Variants in YTHDC2 observed in about 807,000 individuals in gnomAD.
The protein encoded by YTHDC2 is YTH N6-methyladenosine RNA binding protein C2, also known as 3'-5' RNA helicase YTHDC2.
YTHDC2 carries 45 observed loss-of-function variants against 174.9 expected under a neutral mutation model. The ratio of observed to expected loss-of-function variants is 0.26; its 90% CI spans 0.20 to 0.33. The LOEUF (loss-of-function observed/expected upper bound fraction) is 0.33. Ranked by LOEUF, YTHDC2 falls within the 10% of genes least tolerant of loss-of-function variation. The pLI is 1.00. For synonymous variants in YTHDC2, 657 were observed against 574.5 expected, an observed-to-expected ratio of 1.14 and a Z score of -2.05; for missense variants, 1,650 against 1,723.7, an observed-to-expected ratio of 0.96 and a Z score of 0.76.
At position 113,553,807 on chromosome 5, in the gene YTHDC2, G is replaced by A. The variant is rs555522668; in HGVS notation, c.2005G>A (p.Asp669Asn). 8 of 1,612,332 alleles carry A rather than the reference G, an allele frequency of 5.0e-6. No individual in the cohort carries two copies. Among genetic ancestry groups the A allele is most frequent in the African/African-American group, 2.7e-5 (2 of 74,926 alleles). ...GCTTCATTCAAATATGCAAACATCC[G>A]ATCAAAAGAAAGTATTAAAAAACCC... is the stretch of plus-strand genomic sequence containing the variant. ...FMLHSNMQTSDQKKVLKNPPA... is the reference protein window; with the variant it reads ...FMLHSNMQTSNQKKVLKNPPA... The change falls in exon 15 of 30, where the codon GAT (aspartate) becomes AAT (asparagine). Residue 669 changes from aspartate (D) to asparagine (N), a missense_variant. Physicochemically the swap from Asp to Asn is conservative, Grantham distance 23. This residue lies in a region of YTHDC2 where 913 missense variants were observed against 940.4 expected (regional missense o/e 0.97). Coordinates refer to ENST00000161863, the MANE Select transcript of YTHDC2 (RefSeq NM_022828.5).
chr5:113,542,065 G>A (rs149438805), intron 9 of YTHDC2, among the ~76,000 whole-genome samples: 109 of 152,254 alleles, frequency 7.2e-4, no homozygotes, highest in Admixed American at 3.7e-3. Context: ...GTGCAGTTGG[G>A]AGAGAGAACT....
At chr5:113,518,299 C>CAGA (rs1396199437) in intron 2 of YTHDC2, among the ~76,000 whole-genome samples, 2,491 of 151,722 alleles carry the variant, frequency 0.016, 78 homozygotes, top group African/African-American at 0.059. Flanking sequence ...CTCCCAGGCC[C>CAGA]AATCAATCCT....
intron 24 of YTHDC2, among the ~76,000 whole-genome samples, chr5:113,580,333 A>G (rs1230317010): frequency 2.6e-5 from 4 of 151,890 alleles, no homozygotes; most frequent in African/African-American, 9.7e-5. Context: ...GTACACAAGA[A>G]CTCCCTTTAT....
chr5:113,591,965 C>G, intron 27 of YTHDC2, 31 bp from the exon 28 acceptor site: 6 of 1,552,208 alleles, frequency 3.9e-6, no homozygotes, highest in Non-Finnish European at 5.2e-6. Flanking sequence ...CTCCTCCTCA[C>G]CTCTATTCCT....
At chr5:113,538,392 C>G (rs755975728) in intron 7 of YTHDC2, among the ~76,000 whole-genome samples, 1 of 152,106 alleles carries the variant, frequency 6.6e-6, no homozygotes, top group Admixed American at 6.5e-5. Flanking sequence ...CTTAGTAAGA[C>G]TTATCTTTTC....
chr5:113,567,125 G>A lies in YTHDC2; in HGVS notation c.2876G>A (p.Arg959Gln). 2 of 1,613,618 alleles carry A rather than the reference G, an allele frequency of 1.2e-6. No homozygotes were observed. The highest frequency in any genetic ancestry group is 1.7e-6 in the Non-Finnish European group (2 of 1,179,830). ...FVRARGGGDIRDVNTNSENWA... is the reference protein window; with the variant it reads ...FVRARGGGDIQDVNTNSENWA... ...AGAGCACGAGGTGGTGGTGACATTC[G>A]GGACGTTAACACAAACTCTGAGAAT... is the stretch of plus-strand genomic sequence containing the variant. Residue 959 changes from arginine (R) to glutamine (Q), a missense_variant, in exon 22 of 30, where the codon CGG becomes CAG. Transcript: ENST00000161863.
At chr5:113,590,704 C>T (rs931301266) in intron 26 of YTHDC2, among the ~76,000 whole-genome samples, 27 of 152,302 alleles carry the variant, frequency 1.8e-4, no homozygotes, top group Admixed American at 1.6e-3. Context: ...AAAACTGCCT[C>T]CAGGCAGTAA....
chr5:113,548,179 CTT>C (rs1776015537), intron 10 of YTHDC2, among the ~76,000 whole-genome samples: 2 of 152,086 alleles, frequency 1.3e-5, no homozygotes, highest in East Asian at 3.9e-4. Context: ...TTAATTATGT[CTT>C]GTCATTTGGT....
chr5:113,585,584 A>G lies in YTHDC2; in HGVS notation c.3825+1105A>G, dbSNP rs79599047. ...TCATGTAACTATACCACAATCATCTACACATTTCCATCACCCCTACTCCCT... is the reference window on the plus strand; with the variant it reads ...TCATGTAACTATACCACAATCATCTGCACATTTCCATCACCCCTACTCCCT... On this transcript the variant is annotated intron_variant, in intron 26 of 29. Coordinates refer to ENST00000161863, the MANE Select transcript of YTHDC2 (RefSeq NM_022828.5). Among the ~76,000 whole-genome samples the G allele has an allele frequency of 4.8e-3, 729 of 152,024 alleles. 3 individuals are homozygous for G. Among genetic ancestry groups the G allele is most frequent in the Non-Finnish European group, 6.3e-3 (430 of 67,942 alleles).
Position 113,558,671 on chromosome 5 carries a change from C to A in YTHDC2, c.2217-2409C>A, listed in dbSNP as rs535830464. 7.9e-5 allele frequency among the ~76,000 whole-genome samples: 12 copies of A among 152,006 alleles called. No homozygotes were observed. In the South Asian group the frequency reaches 2.3e-3, roughly 29 times the overall value. ...TGAGTTTGAGTTGCCTGTAGAAAAT[C>A]GAAGTGGATTGGGAGGCTGAGGCGG... On this transcript the variant is annotated intron_variant, in intron 17 of 29. Coordinates refer to ENST00000161863, the MANE Select transcript of YTHDC2 (RefSeq NM_022828.5).
chr5:113,582,723 A>G (rs1257268213), intron 25 of YTHDC2: 1 of 152,126 alleles, frequency 6.6e-6, no homozygotes, highest in Non-Finnish European at 1.5e-5. Context: ...GGTTTTTAGT[A>G]CCTTTTTTGA....
intron 16 of YTHDC2, among the ~76,000 whole-genome samples, chr5:113,554,664 A>G (rs1356823541): frequency 1.3e-5 from 2 of 151,926 alleles, no homozygotes; most frequent in Non-Finnish European, 2.9e-5. Flanking sequence ...AGATTGGAGT[A>G]TTTGTAACAG....
intron 4 of YTHDC2, among the ~76,000 whole-genome samples, chr5:113,527,600 C>T (rs1465633828): frequency 1.3e-5 from 2 of 152,060 alleles, no homozygotes; most frequent in Admixed American, 1.3e-4. Flanking sequence ...GTTTAATAGG[C>T]TTAGTAGATA....
chr5:113,531,611 C>G (rs57617774), intron 4 of YTHDC2, among the ~76,000 whole-genome samples: 57,050 of 151,650 alleles, frequency 0.38, 13,229 homozygotes, highest in East Asian at 0.67. Flanking sequence ...CCAGGCATTC[C>G]AAGAGGGTTT....
intron 7 of YTHDC2, among the ~76,000 whole-genome samples, chr5:113,537,301 A>G (rs1438428416): frequency 6.6e-6 from 1 of 150,772 alleles, no homozygotes; most frequent in Non-Finnish European, 1.5e-5. Flanking sequence ...CTGATATTCA[A>G]ATTTTAGGCA....
In YTHDC2 at chr5:113,572,474, A is replaced by G. The variant is rs2162841; in HGVS notation, c.3244+4625A>G. On this transcript the variant is annotated intron_variant, in intron 23 of 29. Transcript: ENST00000161863. Reference sequence around the variant, plus strand: ...TGGGTAGAGAGTTCTGTAGATATCTATCAGGTCCACTTGATCCAGAGCTGA... The same window carrying G: ...TGGGTAGAGAGTTCTGTAGATATCTGTCAGGTCCACTTGATCCAGAGCTGA... 2.8e-3 allele frequency among the ~76,000 whole-genome samples: 427 copies of G among 152,312 alleles called. 2 individuals are homozygous for G. Among genetic ancestry groups the G allele is most frequent in the African/African-American group, 9.7e-3 (403 of 41,568 alleles).
chr5:113,562,531 T>C (rs1777063700), intron 18 of YTHDC2, among the ~76,000 whole-genome samples: 1 of 152,208 alleles, frequency 6.6e-6, no homozygotes, highest in Admixed American at 6.5e-5. Context: ...AGAGCGTAAA[T>C]TGCCTGTTCC....
At chr5:113,561,246 C>T in intron 18 of YTHDC2, 61 bp downstream of exon 18, 5 of 1,310,608 alleles carry the variant, frequency 3.8e-6, no homozygotes, top group Non-Finnish European at 5.4e-6. Flanking sequence ...GGGGCCATTT[C>T]AACTTCTATG....
At chr5:113,516,143 G>GA (rs1389273077) in intron 2 of YTHDC2, among the ~76,000 whole-genome samples, 8 of 152,140 alleles carry the variant, frequency 5.3e-5, no homozygotes, top group African/African-American at 1.9e-4. Context: ...GATTGCTTGA[G>GA]AAAAATATTT....
Sources: gnomAD v4.1 joint callset for allele counts (sites outside exome capture counted in the v4.1 genomes callset) on GRCh38, gnomAD v4.1.1 for gene constraint, gnomAD v4.1.1 regional missense constraint, MANE v1.5 for transcripts, NCBI Gene and HGNC (gene_info 2026-07-23, HGNC 2026-07-21) for gene names.